The following CEP192 variants were observed in gnomAD, a reference collection of about 807,000 sequenced individuals.
CEP192 encodes centrosomal protein of 192 kDa.
A neutral mutation model predicts 271.8 loss-of-function variants in CEP192; 151 were observed. The ratio of observed to expected loss-of-function variants is 0.56; its 90% confidence interval spans 0.49 to 0.64. CEP192 has a LOEUF of 0.64. Ranked by LOEUF, CEP192 falls within the 30% of genes least tolerant of loss-of-function variation. The pLI, the probability that CEP192 is intolerant of heterozygous loss-of-function variation, is 0.00. For synonymous variants in CEP192, 995 were observed against 1,076.5 expected (o/e 0.92, Z 1.48); for missense variants, 2,910 against 3,020.5 (o/e 0.96, Z 0.86).
intron 11 of CEP192, among the ~76,000 whole-genome samples, chr18:13,031,791 C>A (rs576039787): frequency 3.9e-5 from 6 of 152,038 alleles, no homozygotes; most frequent in African/African-American, 7.2e-5. Flanking sequence ...AAATGTTGCA[C>A]GAGTAGGTAG....
chr18:13,120,267 T>G (rs1459407438), intron 44 of CEP192, among the ~76,000 whole-genome samples: 1 of 152,240 alleles, frequency 6.6e-6, no homozygotes, highest in East Asian at 1.9e-4. Context: ...GCCTAAAACA[T>G]TTTTAATGAG....
intron 24 of CEP192, 152 bp from the exon 25 acceptor site, chr18:13,068,700 C>T (rs887376143): frequency 1.4e-6 from 1 of 717,552 alleles, no homozygotes; most frequent in Non-Finnish European, 2.3e-6. Flanking sequence ...TATCACCTTT[C>T]TCTTCACTCA....
chr18:13,009,358 A>G (rs966172940), intron 4 of CEP192, among the ~76,000 whole-genome samples: 9 of 152,154 alleles, frequency 5.9e-5, no homozygotes, highest in East Asian at 1.9e-4. Flanking sequence ...AGACAAGCCT[A>G]TTTTTAGTGC....
In CEP192 at chr18:13,071,122, C is replaced by T. The variant is rs1011134102; in HGVS notation, c.5258C>T (p.Pro1753Leu). The change falls in exon 28 of 45, where the codon CCT becomes CTT. Residue 1753 changes from proline (P) to leucine (L), a missense_variant. Transcript: ENST00000506447. ...KGEVISSGSKPLSPGPCLDIP... is the reference protein window; with the variant it reads ...KGEVISSGSKLLSPGPCLDIP... ...GAAGTCATTTCTTCAGGAAGTAAAC[C>T]TCTGTCACCTGGACCTTGCTTAGAT... 1 of 1,613,876 alleles carries T rather than the reference C, an allele frequency of 6.2e-7. No homozygotes were observed. The highest frequency in any genetic ancestry group is 1.3e-5 in the African/African-American group (1 of 74,898).
chr18:13,086,963 G>A, intron 30 of CEP192, 54 bp from the exon 31 acceptor site: 2 of 1,283,272 alleles, frequency 1.6e-6, no homozygotes, highest in Non-Finnish European at 2.2e-6. Flanking sequence ...GTAATTCAGT[G>A]TTTCGCTTTC....
chr18:13,017,090 C>A, intron 6 of CEP192, 98 bp from the exon 7 acceptor site: 1 of 866,110 alleles, frequency 1.2e-6, no homozygotes, highest in Non-Finnish European at 1.7e-6. Flanking sequence ...AATCTTAGTC[C>A]ATTGACTCAT....
chr18:13,001,477 C>G lies in CEP192; in HGVS notation c.185C>G (p.Ser62Cys). The G allele has an allele frequency of 6.5e-7, 1 of 1,546,798 alleles. No homozygotes were observed. The highest frequency in any genetic ancestry group is 8.7e-7 in the Non-Finnish European group (1 of 1,143,972). ...TDNRYPDIQA[S>C]YLVEGRFSVP... ...TATAGGTATCCTGATATCCAGGCAT[C>G]TTACTTAGTAGAAGGGAGATTTTCA... The change falls in exon 3 of 45, where the codon TCT becomes TGT. Residue 62 changes from serine to cysteine, a missense_variant. Ser to Cys is a moderately radical substitution (Grantham distance 112, BLOSUM62 -1). Transcript: ENST00000506447.
intron 40 of CEP192, among the ~76,000 whole-genome samples, chr18:13,111,738 T>C (rs556278974): frequency 2.0e-5 from 3 of 152,242 alleles, no homozygotes; most frequent in African/African-American, 4.8e-5. Flanking sequence ...GACAAAGGAC[T>C]TGTATCCAGA....
chr18:13,057,812 A>G, intron 20 of CEP192, 79 bp downstream of exon 20: 1 of 1,400,114 alleles, frequency 7.1e-7, no homozygotes, highest in Non-Finnish European at 9.9e-7. Flanking sequence ...CTCTAGTGCT[A>G]GGTTCTCCCT....
chr18:13,064,638 C>T (rs937934476), intron 21 of CEP192, among the ~76,000 whole-genome samples: 3 of 149,120 alleles, frequency 2.0e-5, no homozygotes, highest in Admixed American at 1.3e-4. Context: ...AAAGAGTTGA[C>T]TGTAGGTGTG....
intron 9 of CEP192, among the ~76,000 whole-genome samples, chr18:13,026,228 C>A (rs1376712648): frequency 6.6e-6 from 1 of 152,130 alleles, no homozygotes; most frequent in South Asian, 2.1e-4. Flanking sequence ...CCAAATGTCG[C>A]TCTTTGTTCT....
intron 3 of CEP192, 73 bp from the exon 4 acceptor site, chr18:13,008,383 G>A: frequency 9.4e-7 from 1 of 1,061,054 alleles, no homozygotes. Flanking sequence ...ATACATAACT[G>A]ATTAATAAAT....
chr18:13,042,135 C>A, intron 14 of CEP192, 69 bp from the exon 15 acceptor site: 1 of 1,347,558 alleles, frequency 7.4e-7, no homozygotes, highest in Non-Finnish European at 1.0e-6. Context: ...TTTGCCTGGT[C>A]CTTATTCCAC....
rs1443764624 is a variant in CEP192, at chr18:13,033,526, A to G, written c.1534+2918A>G. Among the ~76,000 whole-genome samples the G allele has an allele frequency of 5.3e-5, 8 of 152,364 alleles. No individual in the cohort carries two copies. In the East Asian group the frequency reaches 9.6e-4, roughly 18 times the overall value. On this transcript the variant is annotated intron_variant, in intron 11 of 44. Coordinates refer to ENST00000506447, the MANE Select transcript of CEP192 (RefSeq NM_032142.4). ...ATTGCAGCATCTAGCAAAGTTACGC[A>G]TGTACTATCCTGTAACCGAGCAGTT...
intron 3 of CEP192, among the ~76,000 whole-genome samples, chr18:13,004,256 G>A (rs568441912): frequency 2.6e-5 from 4 of 152,158 alleles, no homozygotes; most frequent in African/African-American, 9.6e-5. Context: ...GAGAAACGAG[G>A]TTATGACAGC....
chr18:13,072,832 A>G lies in CEP192; in HGVS notation c.5426A>G (p.Gln1809Arg), dbSNP rs190582993. The change falls in exon 29 of 45, where the codon CAG becomes CGG. Residue 1809 changes from glutamine (Q) to arginine (R), a missense_variant. Coordinates refer to ENST00000506447, the MANE Select transcript of CEP192 (RefSeq NM_032142.4). ...CGACTGCTTATTAGAGGACAAGATC[A>G]GGACTGCTTTCAGGTTCGTAGAGTA... Reference protein sequence around the residue: ...HLRLLIRGQDQDCFQLQNTFG... With the variant: ...HLRLLIRGQDRDCFQLQNTFG... 654 of 1,610,992 alleles carry G rather than the reference A, an allele frequency of 4.1e-4. No homozygotes were observed. The highest frequency in any genetic ancestry group is 2.9e-4 in the Non-Finnish European group (339 of 1,177,078).
chr18:13,104,206 G>A (rs1383967183), intron 39 of CEP192, among the ~76,000 whole-genome samples: 1 of 152,166 alleles, frequency 6.6e-6, no homozygotes, highest in Non-Finnish European at 1.5e-5. Context: ...TCTGAGCATT[G>A]TATGTGCACA....
At chr18:12,999,846 T>TTTTTTTTTTA (rs2033500662) in intron 2 of CEP192, among the ~76,000 whole-genome samples, 1 of 144,432 alleles carries the variant, frequency 6.9e-6, no homozygotes, top group Non-Finnish European at 1.5e-5. Context: ...TTTTTTTTTT[T>TTTTTTTTTTA]GTCTATAGTG....
chr18:13,106,782 C>T (rs1229795126), intron 40 of CEP192, among the ~76,000 whole-genome samples: 1 of 152,172 alleles, frequency 6.6e-6, no homozygotes, highest in Non-Finnish European at 1.5e-5. Context: ...CAACTACCAT[C>T]ATCATCTCCC....
Sources: allele counts gnomAD v4.1 joint callset (sites outside exome capture counted in the v4.1 genomes callset), GRCh38; gene constraint gnomAD v4.1.1; transcripts MANE v1.5; gene names NCBI Gene and HGNC (gene_info 2026-07-23, HGNC 2026-07-21).